APAF1: variants seen among roughly 807,000 people sequenced by gnomAD.
APAF1 encodes apoptotic peptidase activating factor 1, also known as apoptotic protease-activating factor 1.
APAF1 carries 91 observed loss-of-function variants against 152.4 expected under a neutral mutation model. That is an observed-to-expected ratio of 0.60 (90% CI 0.50 to 0.71). The LOEUF is 0.71. Among genes scored for constraint, APAF1 ranks in the 30% least tolerant of loss-of-function variants. The pLI is 0.00. For missense variants in APAF1, 1,283 were observed against 1,472.0 expected (o/e 0.87, Z 2.10); for synonymous variants, 484 against 494.1 (o/e 0.98, Z 0.27).
intron 4 of APAF1, among the ~76,000 whole-genome samples, chr12:98,653,623 C>T (rs1255116611): frequency 8.0e-6 from 1 of 124,822 alleles, no homozygotes; most frequent in Admixed American, 9.5e-5. Flanking sequence ...CACCACTGCT[C>T]TCCATCCTGG....
chr12:98,725,266 C>T, intron 24 of APAF1, 149 bp from the exon 25 acceptor site: 1 of 939,408 alleles, frequency 1.1e-6, no homozygotes, highest in South Asian at 1.5e-5. Context: ...AACAAGGTTG[C>T]ATGCTGGAAC....
intron 22 of APAF1, among the ~76,000 whole-genome samples, chr12:98,719,882 T>C (rs536490872): frequency 6.6e-6 from 1 of 152,292 alleles, no homozygotes; most frequent in African/African-American, 2.4e-5. Flanking sequence ...GTGGCAATAT[T>C]TAATTGTATT....
At chr12:98,690,790 A>G (rs1421885166) in intron 16 of APAF1, among the ~76,000 whole-genome samples, 1 of 152,104 alleles carries the variant, frequency 6.6e-6, no homozygotes, top group East Asian at 1.9e-4. Context: ...TTTTATGGCA[A>G]TAATGTTACC....
intron 12 of APAF1, among the ~76,000 whole-genome samples, chr12:98,673,038 G>A (rs890686313): frequency 4.6e-5 from 7 of 152,090 alleles, no homozygotes; most frequent in African/African-American, 9.6e-5. Context: ...GATTACAGGC[G>A]TGAGCCACTG....
intron 14 of APAF1, among the ~76,000 whole-genome samples, chr12:98,681,795 A>G (rs910444685): frequency 7.9e-5 from 12 of 152,178 alleles, no homozygotes; most frequent in East Asian, 3.8e-4. Flanking sequence ...GGAAATAATA[A>G]TGAGTTTCTG....
At chr12:98,673,466 AAC>A (rs1224383976) in intron 12 of APAF1, among the ~76,000 whole-genome samples, 1 of 151,988 alleles carries the variant, frequency 6.6e-6, no homozygotes, top group African/African-American at 2.4e-5. Context: ...ACAAAAAAAA[AAC>A]CTTGGGTCTG....
intron 17 of APAF1, among the ~76,000 whole-genome samples, chr12:98,700,708 A>G (rs1043252993): frequency 3.3e-5 from 5 of 152,200 alleles, no homozygotes; most frequent in Admixed American, 1.3e-4. Context: ...TTACTACTAT[A>G]TATTTCCAAA....
At chr12:98,669,478 A>G (rs1454575652) in intron 10 of APAF1, among the ~76,000 whole-genome samples, 1 of 152,216 alleles carries the variant, frequency 6.6e-6, no homozygotes, top group Non-Finnish European at 1.5e-5. Context: ...TTCTATAAAC[A>G]TACTTGTCTC....
Position 98,666,211 on chromosome 12 carries a change from A to T in APAF1, c.1216A>T (p.Met406Leu). ...PTKVLCILWD[M>L]ETEEVEDILQ... ...CTAGGTGTTATGTATTCTCTGGGAC[A>T]TGGAAACTGAAGAAGTTGAAGACAT... Residue 406 changes from methionine to leucine, a missense_variant, in exon 9 of 27, where the codon ATG becomes TTG. By Grantham distance (15) the Met-to-Leu change is conservative. Coordinates refer to ENST00000551964, the MANE Select transcript of APAF1 (RefSeq NM_181861.2). 1 of 1,614,034 alleles carries T rather than the reference A, an allele frequency of 6.2e-7. No individual in the cohort carries two copies. The highest frequency in any genetic ancestry group is 8.5e-7 in the Non-Finnish European group (1 of 1,179,940).
At position 98,648,479 on chromosome 12, in the gene APAF1, G is replaced by T. The variant is rs2097644883; in HGVS notation, c.120G>T (p.Glu40Asp). Residue 40 changes from glutamate (E) to aspartate (D), a missense_variant, in exon 2 of 27, where the codon GAG becomes GAT. By Grantham distance (45) the Glu-to-Asp change is conservative (BLOSUM62 2). Transcript: ENST00000551964. ...ISDGFLTISEEEKVRNEPTQQ... is the reference protein window; with the variant it reads ...ISDGFLTISEDEKVRNEPTQQ... ...ATGGATTTTTAACAATATCAGAAGAGGAAAAAGTAAGAAATGAGGTAAAGC... is the reference window on the plus strand; with the variant it reads ...ATGGATTTTTAACAATATCAGAAGATGAAAAAGTAAGAAATGAGGTAAAGC... 6.2e-7 allele frequency: 1 copy of T among 1,613,520 alleles called. No homozygotes were observed. Among genetic ancestry groups the T allele is most frequent in the Non-Finnish European group, 8.5e-7 (1 of 1,179,868 alleles).
chr12:98,731,041 G>A (rs945854679), intron 26 of APAF1, among the ~76,000 whole-genome samples: 4 of 152,212 alleles, frequency 2.6e-5, no homozygotes, highest in African/African-American at 9.6e-5. Flanking sequence ...TGGCAGCAGA[G>A]TGTAATGGTC....
rs1370484839 is a variant in APAF1 at position 98,659,208 on chromosome 12, A to G, written c.575A>G (p.Lys192Arg). 1 of 1,614,200 alleles carries G rather than the reference A, an allele frequency of 6.2e-7. No homozygotes were observed. The highest frequency in any genetic ancestry group is 8.5e-7 in the Non-Finnish European group (1 of 1,180,042). Reference sequence around the variant, plus strand: ...TGGGTTTCAGTTGGGAAACAAGACAAATCTGGGCTTCTGATGAAACTGCAG... The same window carrying G: ...TGGGTTTCAGTTGGGAAACAAGACAGATCTGGGCTTCTGATGAAACTGCAG... ...VHWVSVGKQD[K>R]SGLLMKLQNL... Residue 192 changes from lysine to arginine, a missense_variant, in exon 5 of 27, where the codon AAA becomes AGA. Physicochemically the swap from Lys to Arg is conservative, Grantham distance 26 (BLOSUM62 2). Coordinates refer to ENST00000551964, the MANE Select transcript of APAF1 (RefSeq NM_181861.2).
At chr12:98,661,306 T>G (rs2097664943) in intron 5 of APAF1, among the ~76,000 whole-genome samples, 1 of 152,158 alleles carries the variant, frequency 6.6e-6, no homozygotes, top group Admixed American at 6.5e-5. Flanking sequence ...CTTTTCCTTT[T>G]TTGCAAAATT....
chr12:98,668,215 T>C (rs776591844), intron 10 of APAF1, among the ~76,000 whole-genome samples: 18 of 152,206 alleles, frequency 1.2e-4, no homozygotes, highest in Non-Finnish European at 2.1e-4. Flanking sequence ...AAAATGGGAT[T>C]ATAGCTTGCA....
intron 3 of APAF1, 108 bp from the exon 4 acceptor site, chr12:98,649,379 G>C: frequency 7.1e-7 from 1 of 1,404,382 alleles, no homozygotes; most frequent in South Asian, 1.3e-5. Flanking sequence ...AACTTCTCTT[G>C]GAAATTTTCA....
At chr12:98,722,021 A>G (rs1314879135) in intron 22 of APAF1, among the ~76,000 whole-genome samples, 1 of 152,192 alleles carries the variant, frequency 6.6e-6, no homozygotes, top group Non-Finnish European at 1.5e-5. Flanking sequence ...CATCAGGCCC[A>G]CGGGGCTGTT....
intron 1 of APAF1, among the ~76,000 whole-genome samples, chr12:98,647,629 C>G (rs1374530855): frequency 1.3e-5 from 2 of 151,854 alleles, no homozygotes; most frequent in East Asian, 3.9e-4. Context: ...CTCGGCCTCC[C>G]AAAGTGCTGG....
chr12:98,683,864 A>C (rs1258220663), intron 15 of APAF1, among the ~76,000 whole-genome samples: 1 of 152,224 alleles, frequency 6.6e-6, no homozygotes, highest in Non-Finnish European at 1.5e-5. Flanking sequence ...GTTATCACAG[A>C]GAGGAGGGAG....
intron 4 of APAF1, among the ~76,000 whole-genome samples, chr12:98,655,518 T>G (rs2097656086): frequency 6.6e-6 from 1 of 152,114 alleles, no homozygotes; most frequent in African/African-American, 2.4e-5. Flanking sequence ...GCTCCTCACT[T>G]CCCAGTAGGG....
Sources: allele counts gnomAD v4.1 joint callset (sites outside exome capture counted in the v4.1 genomes callset), GRCh38; gene constraint gnomAD v4.1.1; transcripts MANE v1.5; gene names NCBI Gene and HGNC (gene_info 2026-07-23, HGNC 2026-07-21).